Variants in TADA2A observed in about 807,000 individuals in gnomAD.
The protein encoded by TADA2A is transcriptional adapter 2-alpha.
A neutral mutation model predicts 67.4 loss-of-function variants in TADA2A; 38 were observed. The ratio of observed to expected loss-of-function variants is 0.56; its 90% CI spans 0.44 to 0.74. The LOEUF is 0.74. Ranked by LOEUF, TADA2A falls within the 30% of genes least tolerant of loss-of-function variation. The probability of loss-of-function intolerance (pLI) is 0.00; values close to 1 mark genes in which losing one functional copy is unlikely to be tolerated. For synonymous variants in TADA2A, 192 were observed against 181.6 expected (o/e 1.06, Z -0.46); for missense variants, 454 against 547.0 (o/e 0.83, Z 1.70).
chr17:37,426,665 GAAAAAAA>G (rs71135723), intron 3 of TADA2A: 5 of 121,540 alleles, frequency 4.1e-5, no homozygotes, highest in South Asian at 2.3e-4. Flanking sequence ...CTCCGTCTCA[GAAAAAAA>G]AAAAAAAAAA....
intron 8 of TADA2A, among the ~76,000 whole-genome samples, chr17:37,455,429 TG>T (rs1941197324): frequency 6.6e-6 from 1 of 152,034 alleles, no homozygotes; most frequent in South Asian, 2.1e-4. Context: ...TCGCCCAGGC[TG>T]GAGTGCAGTG....
In TADA2A at chr17:37,462,113, A is replaced by C; in HGVS notation, c.704A>C (p.Lys235Thr). Residue 235 changes from lysine (K) to threonine (T), a missense_variant, in exon 10 of 16, where the codon AAG (lysine) becomes ACG (threonine). Physicochemically the swap from Lys to Thr is moderately conservative, Grantham distance 78 (BLOSUM62 -1). This residue lies in a region of TADA2A where 403 missense variants were observed against 455.5 expected (regional missense o/e 0.88). Coordinates refer to ENST00000615182, the MANE Select transcript of TADA2A (RefSeq NM_001166105.3). ...IRDHGLINLRKFQLMERRYPK... is the reference protein window; with the variant it reads ...IRDHGLINLRTFQLMERRYPK... ...GACCATGGATTAATCAACCTTAGAA[A>C]GTTTCAATGTAAGTATTAGCAGTTT... The C allele has an allele frequency of 1.3e-6, 2 of 1,564,868 alleles. No homozygotes were observed. Among genetic ancestry groups the C allele is most frequent in the Non-Finnish European group, 1.7e-6 (2 of 1,145,470 alleles).
intron 8 of TADA2A, among the ~76,000 whole-genome samples, chr17:37,453,568 T>TA (rs2053289453): frequency 6.6e-6 from 1 of 152,134 alleles, no homozygotes; most frequent in South Asian, 2.1e-4. Context: ...TATTTGAACA[T>TA]ACAGTTTAAA....
intron 8 of TADA2A, among the ~76,000 whole-genome samples, chr17:37,456,155 G>C (rs2053385645): frequency 1.3e-5 from 2 of 152,236 alleles, no homozygotes; most frequent in Admixed American, 1.3e-4. Context: ...AGTGAGCCAA[G>C]CGCCCCTGCA....
intron 2 of TADA2A, among the ~76,000 whole-genome samples, chr17:37,422,220 G>A (rs1476447263): frequency 6.9e-6 from 1 of 144,422 alleles, no homozygotes; most frequent in Non-Finnish European, 1.5e-5. Flanking sequence ...TAATTTTTGT[G>A]TTTTTAGTAG....
rs60163170 is a variant in TADA2A, at chr17:37,422,481, G to GATTATTATTATTATTATT, written c.26-1003_26-986dup. ...CAGGCGTGAGCCACCATGCCCAGCT[G>GATTATTATTATTATTATT]ATTATTATTATTATTATTATTATTA... On this transcript the variant is annotated intron_variant, in intron 2 of 15. Coordinates refer to ENST00000615182, the MANE Select transcript of TADA2A (RefSeq NM_001166105.3). Among the ~76,000 whole-genome samples the GATTATTATTATTATTATT allele has an allele frequency of 5.8e-3, 793 of 136,984 alleles. 7 individuals carry two copies. The highest frequency in any genetic ancestry group is 0.015 in the Admixed American group (193 of 13,250). The allele number at this position is 136,984 out of a possible 152,430, so 89.9% of individuals were successfully genotyped here.
intron 7 of TADA2A, among the ~76,000 whole-genome samples, chr17:37,443,814 A>G (rs1332453183): frequency 6.6e-6 from 1 of 152,226 alleles, no homozygotes; most frequent in Admixed American, 6.5e-5. Context: ...TGATTCCTGT[A>G]CTATATCCAC....
intron 10 of TADA2A, among the ~76,000 whole-genome samples, chr17:37,464,706 G>A (rs1225249960): frequency 6.6e-6 from 1 of 151,628 alleles, no homozygotes; most frequent in Non-Finnish European, 1.5e-5. Context: ...CGAGCATGGC[G>A]GTGTGCCTGT....
intron 6 of TADA2A, among the ~76,000 whole-genome samples, chr17:37,441,400 G>T (rs1357098817): frequency 6.6e-6 from 1 of 152,048 alleles, no homozygotes; most frequent in African/African-American, 2.4e-5. Flanking sequence ...TAATTGCCTT[G>T]GTGTCAAGCC....
At chr17:37,451,962 C>T (rs548406220) in intron 8 of TADA2A, among the ~76,000 whole-genome samples, 9 of 150,060 alleles carry the variant, frequency 6.0e-5, no homozygotes, top group Non-Finnish European at 7.4e-5. Context: ...CCAGCCTGGG[C>T]GACAAGAGCA....
intron 9 of TADA2A, among the ~76,000 whole-genome samples, chr17:37,459,593 T>TTG (rs1555690326): frequency 9.3e-5 from 14 of 150,000 alleles, no homozygotes; most frequent in Admixed American, 5.3e-4. Flanking sequence ...TTTTTTTTTT[T>TTG]TTGTTAAATA....
rs760610332 is a variant in TADA2A at position 37,423,551 on chromosome 17, A to G, written c.68A>G (p.Tyr23Cys). ...DKPPCRGCSSYLMEPYIKCAE... is the reference protein window; with the variant it reads ...DKPPCRGCSSCLMEPYIKCAE... ...CCACCTTGCCGAGGCTGCTCCTCCTACCTCATGGAGCCTTATATCAAGTGT... is the reference window on the plus strand; with the variant it reads ...CCACCTTGCCGAGGCTGCTCCTCCTGCCTCATGGAGCCTTATATCAAGTGT... The change falls in exon 3 of 16, where the codon TAC becomes TGC. Residue 23 changes from tyrosine to cysteine, a missense_variant. Transcript: ENST00000615182. 6 of 1,612,642 alleles carry G rather than the reference A, an allele frequency of 3.7e-6. No homozygotes were observed. The South Asian group carries it at 6.6e-5, about 18-fold the overall frequency.
chr17:37,454,511 T>G (rs571418705), intron 8 of TADA2A: 1 of 153,894 alleles, frequency 6.5e-6, no homozygotes. Context: ...GCCAGGCTGG[T>G]CTTGAATTCC....
chr17:37,435,672 C>T (rs2052702686), intron 4 of TADA2A, among the ~76,000 whole-genome samples: 2 of 152,194 alleles, frequency 1.3e-5, no homozygotes, highest in Non-Finnish European at 2.9e-5. Flanking sequence ...CTCTACCTCC[C>T]GGGTTCAAGC....
In TADA2A at chr17:37,435,007, G is replaced by A. The variant is rs543605558; in HGVS notation, c.193-2731G>A. The stretch of plus-strand genomic sequence containing the variant: ...CATGCCTATAATCCCAGCACTTTGG[G>A]AGGCCCAGGCGGGCAGATCACCTGA... On this transcript the variant is annotated intron_variant, in intron 4 of 15. Coordinates refer to ENST00000615182, the MANE Select transcript of TADA2A (RefSeq NM_001166105.3). Among the ~76,000 whole-genome samples the A allele has an allele frequency of 1.5e-3, 228 of 152,286 alleles. 1 individual carries two copies. Among genetic ancestry groups the A allele is most frequent in the Middle Eastern group, 3.4e-3 (1 of 294 alleles).
rs1010503991 is a variant in TADA2A at position 37,434,369 on chromosome 17, T to G, written c.193-3369T>G. ...AGAGATGCATGAGGCAGGGTGTATG[T>G]GGGAAGGGGTACGGAGCTTTCCTGT... On this transcript the variant is annotated intron_variant, in intron 4 of 15. Transcript: ENST00000615182. Among the ~76,000 whole-genome samples, 4 of 152,312 alleles carry G rather than the reference T, an allele frequency of 2.6e-5. No individual in the cohort carries two copies. The East Asian group carries it at 7.7e-4, about 29-fold the overall frequency.
At position 37,469,888 on chromosome 17, in the gene TADA2A, G is replaced by A. The variant is rs550490091; in HGVS notation, c.896-512G>A. ...TCTTCTGTTTAGCAAGATGCATATA[G>A]AGACTCTGATAACTAATTTTGGTTT... On this transcript the variant is annotated intron_variant, in intron 12 of 15. Coordinates refer to ENST00000615182, the MANE Select transcript of TADA2A (RefSeq NM_001166105.3). Among the ~76,000 whole-genome samples the A allele has an allele frequency of 4.6e-5, 7 of 152,298 alleles. No homozygotes were observed. In the East Asian group the frequency reaches 1.3e-3, roughly 29 times the overall value.
At chr17:37,431,854 C>T (rs532485493) in intron 4 of TADA2A, among the ~76,000 whole-genome samples, 2 of 152,278 alleles carry the variant, frequency 1.3e-5, no homozygotes, top group South Asian at 4.1e-4. Context: ...GCGTGAGCTA[C>T]TGCACCCAGC....
chr17:37,472,500 T>G (rs965312644), intron 14 of TADA2A, among the ~76,000 whole-genome samples: 14 of 152,130 alleles, frequency 9.2e-5, no homozygotes, highest in Non-Finnish European at 1.3e-4. Flanking sequence ...TTTGTAAGTT[T>G]CTTACTGCCA....
Sources: allele counts gnomAD v4.1 joint callset (sites outside exome capture counted in the v4.1 genomes callset), GRCh38; gene constraint gnomAD v4.1.1; regional missense constraint gnomAD v4.1.1; transcripts MANE v1.5; gene names NCBI Gene and HGNC (gene_info 2026-07-23, HGNC 2026-07-21).